KCNMA1: variants seen among roughly 807,000 people sequenced by gnomAD.
KCNMA1 encodes the protein potassium calcium-activated channel subfamily M alpha 1.
KCNMA1 carries 29 observed loss-of-function variants against 140.0 expected under a neutral mutation model. The observed-to-expected ratio is 0.21, with a 90% CI of 0.15 to 0.28. The LOEUF (loss-of-function observed/expected upper bound fraction) is 0.28, where lower values mean the gene tolerates loss of function less well. Ranked by LOEUF, KCNMA1 falls within the 10% of genes least tolerant of loss-of-function variation. The pLI is 1.00. For missense variants in KCNMA1, 880 were observed against 1,602.2 expected (o/e 0.55, Z 7.70); for synonymous variants, 612 against 611.9 (o/e 1.00, Z 0.00).
At chr10:77,293,222 T>C (rs1174231693) in intron 2 of KCNMA1, among the ~76,000 whole-genome samples, 1 of 152,156 alleles carries the variant, frequency 6.6e-6, no homozygotes, top group African/African-American at 2.4e-5. Context: ...AAAGATCACT[T>C]TGGCCAATGT....
At chr10:76,938,089 C>T (rs1417526145) in intron 23 of KCNMA1, among the ~76,000 whole-genome samples, 1 of 134,310 alleles carries the variant, frequency 7.4e-6, no homozygotes, top group African/African-American at 2.8e-5. Context: ...TTCCTCTACC[C>T]TCTCTTTCTG....
At chr10:77,474,708 T>C (rs1299664932) in intron 1 of KCNMA1, among the ~76,000 whole-genome samples, 1 of 152,010 alleles carries the variant, frequency 6.6e-6, no homozygotes, top group East Asian at 1.9e-4. Context: ...TCTCTGTCAT[T>C]GTATATGACT....
intron 3 of KCNMA1, among the ~76,000 whole-genome samples, chr10:77,230,369 G>C (rs1435542307): frequency 6.6e-6 from 1 of 152,124 alleles, no homozygotes; most frequent in Non-Finnish European, 1.5e-5. Context: ...TAGAAGTGAT[G>C]GTTGCATAAC....
chr10:77,102,384 G>A (rs548893726), intron 9 of KCNMA1, among the ~76,000 whole-genome samples: 13 of 152,302 alleles, frequency 8.5e-5, no homozygotes, highest in African/African-American at 1.4e-4. Flanking sequence ...AATAGTGTGC[G>A]CTCTCAGGAA....
intron 2 of KCNMA1, among the ~76,000 whole-genome samples, chr10:77,326,012 C>G (rs140983142): frequency 1.4e-4 from 22 of 152,164 alleles, no homozygotes; most frequent in African/African-American, 4.8e-4. Context: ...TTCTTCCCCC[C>G]CATTTCTAAG....
chr10:77,269,032 G>A (rs2064235684), intron 2 of KCNMA1, among the ~76,000 whole-genome samples: 2 of 152,134 alleles, frequency 1.3e-5, no homozygotes, highest in African/African-American at 4.8e-5. Flanking sequence ...CTTTCCCACT[G>A]CACAAGGGCA....
chr10:77,566,352 A>ACTTCT (rs1262339273), intron 1 of KCNMA1, among the ~76,000 whole-genome samples: 2 of 152,234 alleles, frequency 1.3e-5, no homozygotes, highest in African/African-American at 4.8e-5. Context: ...CGGCAGAAGC[A>ACTTCT]CTTCTCGCCA....
intron 27 of KCNMA1, among the ~76,000 whole-genome samples, chr10:76,888,688 A>C (rs1332829375): frequency 6.6e-6 from 1 of 152,244 alleles, no homozygotes; most frequent in East Asian, 1.9e-4. Flanking sequence ...TTGTCTCAAA[A>C]ATAAATATAT....
chr10:77,008,134 G>C, intron 18 of KCNMA1: 1 of 1,506,976 alleles, frequency 6.6e-7, no homozygotes, highest in Non-Finnish European at 8.9e-7. Flanking sequence ...CTCTTCTAGA[G>C]AAAGACAGGG....
intron 20 of KCNMA1, among the ~76,000 whole-genome samples, chr10:76,964,683 T>C (rs1201219217): frequency 6.6e-6 from 1 of 152,196 alleles, no homozygotes; most frequent in African/African-American, 2.4e-5. Flanking sequence ...TTTCTATTAC[T>C]AAAATCTTTC....
At chr10:77,337,292 C>A (rs2089418152) in intron 2 of KCNMA1, among the ~76,000 whole-genome samples, 1 of 152,086 alleles carries the variant, frequency 6.6e-6, no homozygotes, top group Non-Finnish European at 1.5e-5. Context: ...GATGCAGAGA[C>A]CATCAGAGCA....
Position 77,637,491 on chromosome 10 carries a change from G to A in KCNMA1, c.152C>T (p.Ser51Phe), listed in dbSNP as rs2093884478. ...SSSSSSSSSS[S>F]SSSSSSSSSV... is the part of the protein sequence containing the mutation. Reference sequence around the variant, plus strand: ...GGACGAGGAGGAAGAGGAGGAGGAAGAAGAAGAAGAGGAAGAGGAGGAGGA... The same window carrying A: ...GGACGAGGAGGAAGAGGAGGAGGAAAAAGAAGAAGAGGAAGAGGAGGAGGA... Residue 51 changes from serine (S) to phenylalanine (F), a missense_variant, in exon 1 of 28, where the codon TCT (serine) becomes TTT (phenylalanine). By Grantham distance (155) the Ser-to-Phe change is radical (BLOSUM62 -2). This residue lies in a region of KCNMA1 where 94 missense variants were observed against 92.4 expected (regional missense o/e 1.02). Transcript: ENST00000286628. The A allele has an allele frequency of 6.3e-7, 1 of 1,599,808 alleles. No homozygotes were observed. The highest frequency in any genetic ancestry group is 8.5e-7 in the Non-Finnish European group (1 of 1,171,822).
At chr10:77,262,157 C>T (rs2062185229) in intron 2 of KCNMA1, among the ~76,000 whole-genome samples, 1 of 152,136 alleles carries the variant, frequency 6.6e-6, no homozygotes, top group African/African-American at 2.4e-5. Flanking sequence ...AGAAGCAACC[C>T]AAAGTGTCCA....
At chr10:77,190,106 T>C (rs1181040551) in intron 3 of KCNMA1, among the ~76,000 whole-genome samples, 1 of 152,194 alleles carries the variant, frequency 6.6e-6, no homozygotes, top group African/African-American at 2.4e-5. Context: ...GATTACTCTT[T>C]GTGTTCAAAC....
intron 25 of KCNMA1, among the ~76,000 whole-genome samples, chr10:76,896,858 G>T (rs937043931): frequency 4.6e-5 from 7 of 151,006 alleles, no homozygotes; most frequent in Admixed American, 2.6e-4. Context: ...CTGTGAATAT[G>T]CTAAAAAAAA....
intron 1 of KCNMA1, among the ~76,000 whole-genome samples, chr10:77,536,927 G>A (rs1014409380): frequency 1.3e-5 from 2 of 152,196 alleles, no homozygotes; most frequent in African/African-American, 2.4e-5. Context: ...AAAGCTCACC[G>A]CATGGAGTGT....
intron 5 of KCNMA1, among the ~76,000 whole-genome samples, chr10:77,152,787 C>T (rs912443275): frequency 6.6e-5 from 10 of 152,202 alleles, no homozygotes; most frequent in Non-Finnish European, 7.3e-5. Flanking sequence ...TAAGGGCAAG[C>T]GGGTCTGGGT....
At chr10:77,203,762 C>T (rs955906824) in intron 3 of KCNMA1, among the ~76,000 whole-genome samples, 10 of 152,110 alleles carry the variant, frequency 6.6e-5, no homozygotes, top group South Asian at 2.1e-4. Context: ...TCCCATCTCC[C>T]AACATGGTTT....
intron 2 of KCNMA1, among the ~76,000 whole-genome samples, chr10:77,359,691 C>T (rs35772): frequency 0.81 from 123,176 of 152,170 alleles, 50,053 homozygotes; most frequent in Middle Eastern, 0.88. Flanking sequence ...CAGGAAATGG[C>T]GCCCCAAAGA....
Sources: gnomAD v4.1 joint callset for allele counts (sites outside exome capture counted in the v4.1 genomes callset) on GRCh38, gnomAD v4.1.1 for gene constraint, gnomAD v4.1.1 regional missense constraint, MANE v1.5 for transcripts, NCBI Gene and HGNC (gene_info 2026-07-23, HGNC 2026-07-21) for gene names.